The following LHFPL2 variants were observed in gnomAD, a reference collection of about 807,000 sequenced individuals.
The protein encoded by LHFPL2 is LHFPL tetraspan subfamily member 2 protein.
A neutral mutation model predicts 17.5 loss-of-function variants in LHFPL2; 7 were observed. The ratio of observed to expected loss-of-function variants is 0.40; its 90% CI spans 0.23 to 0.75. The LOEUF (loss-of-function observed/expected upper bound fraction) is 0.75, where lower values mean the gene tolerates loss of function less well. Among genes scored for constraint, LHFPL2 ranks in the 30% least tolerant of loss-of-function variants. LHFPL2 has a pLI of 0.37. For synonymous variants in LHFPL2, 134 were observed against 116.2 expected (o/e 1.15, Z -0.99); for missense variants, 241 against 294.8 (o/e 0.82, Z 1.34).
chr5:78,560,120 G>C (rs909071812), intron 3 of LHFPL2, among the ~76,000 whole-genome samples: 1 of 152,252 alleles, frequency 6.6e-6, no homozygotes, highest in African/African-American at 2.4e-5. Context: ...CAGAATGACA[G>C]AGAATAGCTA....
intron 2 of LHFPL2, among the ~76,000 whole-genome samples, chr5:78,567,174 G>T (rs1156831932): frequency 6.6e-6 from 1 of 152,124 alleles, no homozygotes; most frequent in South Asian, 2.1e-4. Flanking sequence ...ACAGTAAAAA[G>T]CATTTTCTAG....
chr5:78,584,993 GTGTTTTTTTTTTT>G (rs1170164174), intron 2 of LHFPL2, among the ~76,000 whole-genome samples: 1 of 84,758 alleles, frequency 1.2e-5, no homozygotes, highest in African/African-American at 5.0e-5. Context: ...CTGGTGCGCT[GTGTTTTTTTTTTT>G]TTTTTTTTTT....
At chr5:78,503,302 G>C (rs1383525666) in intron 4 of LHFPL2, among the ~76,000 whole-genome samples, 2 of 152,196 alleles carry the variant, frequency 1.3e-5, no homozygotes, top group Non-Finnish European at 2.9e-5. Flanking sequence ...AGTTGCCATG[G>C]CAAACCACTT....
At chr5:78,502,051 T>C (rs1754792000) in intron 4 of LHFPL2, among the ~76,000 whole-genome samples, 2 of 152,098 alleles carry the variant, frequency 1.3e-5, no homozygotes, top group African/African-American at 4.8e-5. Context: ...CAGAGAAATC[T>C]AGTAAGATAT....
intron 2 of LHFPL2, among the ~76,000 whole-genome samples, chr5:78,597,433 G>T (rs923802801): frequency 2.0e-5 from 3 of 152,012 alleles, no homozygotes; most frequent in Non-Finnish European, 2.9e-5. Context: ...AAACTTAAAG[G>T]TCTCTTTGTG....
intron 3 of LHFPL2, among the ~76,000 whole-genome samples, chr5:78,532,090 A>C (rs1755801096): frequency 6.6e-6 from 1 of 151,882 alleles, no homozygotes; most frequent in African/African-American, 2.4e-5. Flanking sequence ...ACACCCAGCT[A>C]ATTTTGTATT....
At chr5:78,560,636 A>G (rs1756700279) in intron 3 of LHFPL2, among the ~76,000 whole-genome samples, 1 of 152,212 alleles carries the variant, frequency 6.6e-6, no homozygotes, top group Non-Finnish European at 1.5e-5. Flanking sequence ...GTGGAGGCCA[A>G]AGGACTGCAA....
At chr5:78,579,031 C>A (rs10076149) in intron 2 of LHFPL2, among the ~76,000 whole-genome samples, 1 of 151,946 alleles carries the variant, frequency 6.6e-6, no homozygotes, top group Admixed American at 6.6e-5. Context: ...AGGTACATTC[C>A]GTCTAACAGG....
intron 2 of LHFPL2, among the ~76,000 whole-genome samples, chr5:78,608,856 C>T (rs1367557643): frequency 1.3e-5 from 2 of 150,608 alleles, no homozygotes; most frequent in Admixed American, 6.6e-5. Context: ...AGCATGAACC[C>T]GGGAGGTGGA....
chr5:78,632,055 G>A (rs989056733), intron 2 of LHFPL2, among the ~76,000 whole-genome samples: 11 of 152,262 alleles, frequency 7.2e-5, no homozygotes, highest in African/African-American at 2.6e-4. Flanking sequence ...AAAGGAAAGA[G>A]GGCTGAGTAA....
At chr5:78,603,686 C>T (rs1315419242) in intron 2 of LHFPL2, among the ~76,000 whole-genome samples, 1 of 958 alleles carries the variant, frequency 1.0e-3, no homozygotes, top group East Asian at 0.026. Flanking sequence ...TCAAGACCAG[C>T]TTGGGAAACA....
chr5:78,536,190 A>G (rs1347628796), intron 3 of LHFPL2, among the ~76,000 whole-genome samples: 1 of 152,042 alleles, frequency 6.6e-6, no homozygotes, highest in Non-Finnish European at 1.5e-5. Flanking sequence ...GGGATGCAGA[A>G]CTCATTTCGG....
chr5:78,640,744 C>G (rs2112527307), intron 1 of LHFPL2, among the ~76,000 whole-genome samples: 1 of 152,308 alleles, frequency 6.6e-6, no homozygotes, highest in African/African-American at 2.4e-5. Context: ...GTTAAGCAGG[C>G]AAGGATGAGG....
At chr5:78,628,993 C>CA (rs1208911938) in intron 2 of LHFPL2, among the ~76,000 whole-genome samples, 1 of 152,140 alleles carries the variant, frequency 6.6e-6, no homozygotes, top group Non-Finnish European at 1.5e-5. Flanking sequence ...AAGCCTGAGA[C>CA]ATTGCTCAAT....
At chr5:78,501,830 G>A (rs747113511) in intron 4 of LHFPL2, among the ~76,000 whole-genome samples, 11 of 152,182 alleles carry the variant, frequency 7.2e-5, no homozygotes, top group Non-Finnish European at 1.3e-4. Flanking sequence ...AGAAGTCAAA[G>A]GGTTTCCTGG....
rs578130552 is a variant in LHFPL2 at position 78,553,108 on chromosome 5, C to T, written c.-186+11705G>A. Among the ~76,000 whole-genome samples, 9 of 152,300 alleles carry T rather than the reference C, an allele frequency of 5.9e-5. No homozygotes were observed. In the East Asian group the frequency reaches 1.7e-3, roughly 29 times the overall value. ...AGAAATGGTAAAAGCAGGGACAAAG[C>T]TTTCAGAACTTTCACAAGGTGACCT... is the stretch of plus-strand genomic sequence containing the variant. On this transcript the variant is annotated intron_variant, in intron 3 of 4. Coordinates refer to ENST00000380345, the MANE Select transcript of LHFPL2 (RefSeq NM_005779.3).
At chr5:78,574,882 T>C (rs1037001536) in intron 2 of LHFPL2, among the ~76,000 whole-genome samples, 1 of 152,230 alleles carries the variant, frequency 6.6e-6, no homozygotes, top group Non-Finnish European at 1.5e-5. Flanking sequence ...TTGCTGAGCG[T>C]CACCAAACAC....
intron 1 of LHFPL2, among the ~76,000 whole-genome samples, chr5:78,637,236 C>T (rs1745481272): frequency 6.6e-6 from 1 of 152,168 alleles, no homozygotes; most frequent in Admixed American, 6.5e-5. Flanking sequence ...AAACAATAGG[C>T]AACCTTTTAA....
intron 3 of LHFPL2, among the ~76,000 whole-genome samples, chr5:78,523,977 C>A (rs775285425): frequency 1.3e-5 from 2 of 152,102 alleles, no homozygotes; most frequent in African/African-American, 2.4e-5. Flanking sequence ...CCGGACAATG[C>A]ACAGATGTCT....
Sources: gnomAD v4.1 joint callset for allele counts (sites outside exome capture counted in the v4.1 genomes callset) on GRCh38, gnomAD v4.1.1 for gene constraint, MANE v1.5 for transcripts, NCBI Gene and HGNC (gene_info 2026-07-23, HGNC 2026-07-21) for gene names.